Variants in FRMPD2 observed in about 807,000 individuals in gnomAD.
The protein encoded by FRMPD2 is FERM and PDZ domain containing 2, also known as FERM and PDZ domain-containing protein 2.
Under a neutral mutation model 140.1 loss-of-function variants are expected in FRMPD2, and 96 were observed. That is an observed-to-expected ratio of 0.69 (90% CI 0.58 to 0.81). The LOEUF is 0.81. Ranked by LOEUF, FRMPD2 falls within the 40% of genes least tolerant of loss-of-function variation. The pLI, the probability that FRMPD2 is intolerant of heterozygous loss-of-function variation, is 0.00. For missense variants in FRMPD2, 1,240 were observed against 1,447.4 expected, an observed-to-expected ratio of 0.86 and a Z score of 2.32; for synonymous variants, 449 against 547.6, an observed-to-expected ratio of 0.82 and a Z score of 2.52.
chr10:48,209,767 A>G (rs1839277345), intron 13 of FRMPD2, among the ~76,000 whole-genome samples: 1 of 152,230 alleles, frequency 6.6e-6, no homozygotes, highest in Non-Finnish European at 1.5e-5. Flanking sequence ...ATGAGATTCT[A>G]TCCCTAAGGA....
At chr10:48,200,634 T>C (rs1418279687) in intron 15 of FRMPD2, among the ~76,000 whole-genome samples, 1 of 152,226 alleles carries the variant, frequency 6.6e-6, no homozygotes, top group Non-Finnish European at 1.5e-5. Flanking sequence ...CACTGAACAA[T>C]GCAGGTATTT....
intron 12 of FRMPD2, among the ~76,000 whole-genome samples, chr10:48,212,506 C>T (rs1418949902): frequency 6.6e-6 from 1 of 152,124 alleles, no homozygotes. Context: ...CACCTCAAAC[C>T]CTCACACTTT....
rs1423039915 is a variant in FRMPD2, at chr10:48,201,274, C to T, written c.1908G>A (p.Gly636=). 4 of 1,613,496 alleles carry T rather than the reference C, an allele frequency of 2.5e-6. No individual in the cohort carries two copies. The highest frequency in any genetic ancestry group is 1.1e-5 in the South Asian group (1 of 90,984). ...GCCCAGAGCCCATCTGTGCATTAAA[C>T]CCATGCTGGGCTGAGCAGAGGTCCA... ...YLLDLCSAQH[G]FNAQMGSGQP... The change falls in exon 15 of 29, where the codon GGG becomes GGA. Residue 636 remains glycine, a synonymous_variant. Coordinates refer to ENST00000374201, the MANE Select transcript of FRMPD2 (RefSeq NM_001018071.4).
intron 22 of FRMPD2, 83 bp from the exon 23 acceptor site, chr10:48,176,022 A>T (rs1588806393): frequency 1.5e-6 from 1 of 645,400 alleles, no homozygotes; most frequent in Non-Finnish European, 2.8e-6. Context: ...GGGAATCCCC[A>T]CCTGCCCACC....
chr10:48,235,472 G>C (rs1269102580), intron 9 of FRMPD2, among the ~76,000 whole-genome samples: 1 of 152,186 alleles, frequency 6.6e-6, no homozygotes, highest in African/African-American at 2.4e-5. Context: ...CCCCTTGACA[G>C]GGGGGTGCAT....
At chr10:48,242,464 C>T in intron 4 of FRMPD2, 112 bp from the exon 5 acceptor site, 1 of 887,552 alleles carries the variant, frequency 1.1e-6, no homozygotes, top group Non-Finnish European at 1.7e-6. Context: ...CCCACAAGCA[C>T]CAGAGCAGAT....
chr10:48,220,037 C>A (rs1839545216), intron 12 of FRMPD2, among the ~76,000 whole-genome samples: 1 of 152,128 alleles, frequency 6.6e-6, no homozygotes, highest in African/African-American at 2.4e-5. Flanking sequence ...AATGTTGCTG[C>A]AAGAGCTAAG....
chr10:48,260,850 T>C (rs1434946432), intron 1 of FRMPD2, among the ~76,000 whole-genome samples: 4 of 151,328 alleles, frequency 2.6e-5, no homozygotes, highest in Non-Finnish European at 1.5e-5. Context: ...ATACCAGAAA[T>C]GTAAAATAAC....
chr10:48,229,797 G>A (rs796234355), intron 10 of FRMPD2, among the ~76,000 whole-genome samples: 3 of 152,140 alleles, frequency 2.0e-5, no homozygotes, highest in African/African-American at 7.2e-5. Context: ...TATCATCCAT[G>A]GAATGTTATG....
chr10:48,164,317 T>C (rs1361074110), intron 27 of FRMPD2, among the ~76,000 whole-genome samples: 1 of 151,466 alleles, frequency 6.6e-6, no homozygotes, highest in South Asian at 2.1e-4. Flanking sequence ...ACTCTATAAA[T>C]AAACAGGTCC....
intron 9 of FRMPD2, among the ~76,000 whole-genome samples, chr10:48,235,664 G>A (rs1312480926): frequency 2.0e-5 from 3 of 152,226 alleles, no homozygotes; most frequent in African/African-American, 7.2e-5. Flanking sequence ...AAGCCAAGTT[G>A]ACAATGTGTG....
intron 4 of FRMPD2, among the ~76,000 whole-genome samples, chr10:48,242,892 G>A (rs974395481): frequency 5.3e-5 from 8 of 152,180 alleles, no homozygotes; most frequent in African/African-American, 1.9e-4. Context: ...TACACATCGA[G>A]CAAAAGAAAA....
At chr10:48,201,597 T>C in intron 14 of FRMPD2, 2 of 457,534 alleles carry the variant, frequency 4.4e-6, no homozygotes, top group Non-Finnish European at 7.8e-6. Context: ...AATCAAATTG[T>C]TTATCAAACA....
chr10:48,207,007 C>T, intron 13 of FRMPD2, 74 bp from the exon 14 acceptor site: 1 of 1,328,246 alleles, frequency 7.5e-7, no homozygotes, highest in Non-Finnish European at 1.0e-6. Context: ...CCATTCACTC[C>T]ATGCAAAACA....
intron 12 of FRMPD2, among the ~76,000 whole-genome samples, chr10:48,220,991 G>T (rs1662791516): frequency 6.6e-6 from 1 of 152,174 alleles, no homozygotes; most frequent in Admixed American, 6.5e-5. Context: ...ACTGCTGGTG[G>T]GAATGTAAGC....
intron 14 of FRMPD2, among the ~76,000 whole-genome samples, chr10:48,206,365 T>C (rs1254160653): frequency 6.6e-6 from 1 of 152,124 alleles, no homozygotes; most frequent in Non-Finnish European, 1.5e-5. Context: ...CCTTTCAGGC[T>C]CCACTCAACC....
intron 12 of FRMPD2, among the ~76,000 whole-genome samples, chr10:48,219,515 G>C (rs185424914): frequency 1.3e-5 from 2 of 152,224 alleles, no homozygotes; most frequent in East Asian, 3.9e-4. Flanking sequence ...CACACTGCTC[G>C]GTCTCTGTTG....
chr10:48,228,066 A>ATGAAAAAAGAGAGT (rs1839766912), intron 10 of FRMPD2, among the ~76,000 whole-genome samples: 1 of 152,222 alleles, frequency 6.6e-6, no homozygotes, highest in South Asian at 2.1e-4. Flanking sequence ...AAATGTGACA[A>ATGAAAAAAGAGAGT]TGAAAAAAGA....
chr10:48,183,851 CAA>C (rs57389978), intron 20 of FRMPD2, among the ~76,000 whole-genome samples: 4 of 76,764 alleles, frequency 5.2e-5, no homozygotes, highest in African/African-American at 5.7e-5. Flanking sequence ...GACTCCATCT[CAA>C]AAAAAAAAAA....
Sources: gnomAD v4.1 joint callset for allele counts (sites outside exome capture counted in the v4.1 genomes callset) on GRCh38, gnomAD v4.1.1 for gene constraint, MANE v1.5 for transcripts, NCBI Gene and HGNC (gene_info 2026-07-23, HGNC 2026-07-21) for gene names.